CFAP96: variants seen among roughly 807,000 people sequenced by gnomAD.
The protein encoded by CFAP96 is cilia-and flagella-associated protein 96.
At chr4:185,437,081 C>T in the CFAP96 span, among the ~76,000 whole-genome samples, 1 of 152,008 alleles carries the variant, frequency 6.6e-6, no homozygotes, top group Non-Finnish European at 1.5e-5. Flanking sequence ...TTGGGCTGAT[C>T]AAGAAGCCAT....
At chr4:185,445,054 G>A in the CFAP96 span, 141 of 1,551,606 alleles carry the variant, frequency 9.1e-5, 1 homozygote, top group East Asian at 3.4e-3. Flanking sequence ...TTCTGGCAAA[G>A]ATGATAAGAT....
At chr4:185,448,629 T>C in the CFAP96 span, among the ~76,000 whole-genome samples, 7 of 152,190 alleles carry the variant, frequency 4.6e-5, no homozygotes, top group African/African-American at 1.7e-4. Context: ...GTTGGTAAAG[T>C]TGGTAAAGAT....
the CFAP96 span, among the ~76,000 whole-genome samples, chr4:185,412,131 T>C: frequency 6.6e-6 from 1 of 152,176 alleles, no homozygotes; most frequent in Non-Finnish European, 1.5e-5. Flanking sequence ...TGCTTTACAA[T>C]TTGCATATGT....
At chr4:185,422,249 G>A in the CFAP96 span, among the ~76,000 whole-genome samples, 1 of 152,176 alleles carries the variant, frequency 6.6e-6, no homozygotes, top group South Asian at 2.1e-4. Flanking sequence ...AATGAAGAGG[G>A]GAGTAAAGTC....
the CFAP96 span, among the ~76,000 whole-genome samples, chr4:185,447,964 A>C: frequency 6.6e-6 from 1 of 152,148 alleles, no homozygotes; most frequent in Non-Finnish European, 1.5e-5. Flanking sequence ...CAAGCCTACT[A>C]TGTCTTGCTG....
chr4:185,413,212 AC>A, the CFAP96 span, among the ~76,000 whole-genome samples: 1 of 151,816 alleles, frequency 6.6e-6, no homozygotes, highest in African/African-American at 2.4e-5. Context: ...ACATGGTGAA[AC>A]CCTGTCTCTA....
the CFAP96 span, among the ~76,000 whole-genome samples, chr4:185,446,060 C>T: frequency 1.3e-5 from 2 of 151,986 alleles, no homozygotes; most frequent in Non-Finnish European, 2.9e-5. Context: ...AGGCTGGTCT[C>T]GAACTCCCGA....
the CFAP96 span, chr4:185,416,033 CTG>C: frequency 2.0e-6 from 1 of 490,788 alleles, no homozygotes; most frequent in Non-Finnish European, 3.5e-6. Context: ...GGAGTTCAAT[CTG>C]TAACTGGCTG....
the CFAP96 span, among the ~76,000 whole-genome samples, chr4:185,446,908 G>T: frequency 1.3e-5 from 2 of 152,052 alleles, no homozygotes; most frequent in Non-Finnish European, 2.9e-5. Flanking sequence ...CTGCTTTCCT[G>T]TTGTCTTTCT....
the CFAP96 span, among the ~76,000 whole-genome samples, chr4:185,448,896 G>A: frequency 2.0e-5 from 3 of 152,146 alleles, no homozygotes; most frequent in Non-Finnish European, 4.4e-5. Flanking sequence ...AGAAGAATAA[G>A]TGATTATTCT....
chr4:185,415,696 A>G, the CFAP96 span: 4 of 1,602,662 alleles, frequency 2.5e-6, no homozygotes, highest in Non-Finnish European at 3.4e-6. Flanking sequence ...CAGTGGTACT[A>G]TAAAAATACT....
chr4:185,411,169 A>G, the CFAP96 span, among the ~76,000 whole-genome samples: 1 of 151,786 alleles, frequency 6.6e-6, no homozygotes, highest in South Asian at 2.1e-4. Flanking sequence ...TGAAGAATGA[A>G]AAAGAAAATA....
chr4:185,446,739 G>A, the CFAP96 span, among the ~76,000 whole-genome samples: 1 of 152,074 alleles, frequency 6.6e-6, no homozygotes, highest in Non-Finnish European at 1.5e-5. Context: ...TTTTTGTGAT[G>A]TACATGATTT....
At chr4:185,439,340 G>A in the CFAP96 span, among the ~76,000 whole-genome samples, 2 of 152,140 alleles carry the variant, frequency 1.3e-5, no homozygotes, top group East Asian at 1.9e-4. Flanking sequence ...ATGAATGAAT[G>A]TCCTACAAGC....
chr4:185,449,545 G>T, the CFAP96 span: 1 of 1,147,842 alleles, frequency 8.7e-7, no homozygotes, highest in Non-Finnish European at 1.2e-6. Context: ...GAATGTACAG[G>T]TATTTGACTT....
chr4:185,427,797 T>C, the CFAP96 span, among the ~76,000 whole-genome samples: 3 of 134,928 alleles, frequency 2.2e-5, no homozygotes, highest in African/African-American at 8.3e-5. Flanking sequence ...GGTAAAAGGT[T>C]CTTACCAGCC....
At chr4:185,425,174 C>T in the CFAP96 span, among the ~76,000 whole-genome samples, 1 of 152,054 alleles carries the variant, frequency 6.6e-6, no homozygotes, top group East Asian at 1.9e-4. Context: ...AGGGAGATGT[C>T]AAGGATGATT....
the CFAP96 span, among the ~76,000 whole-genome samples, chr4:185,443,549 A>G: frequency 7.3e-5 from 11 of 150,588 alleles, no homozygotes; most frequent in Non-Finnish European, 1.2e-4. Flanking sequence ...GGGTTTCGCC[A>G]TGTTGCCCAG....
chr4:185,436,303 G>A, the CFAP96 span: 11 of 1,550,920 alleles, frequency 7.1e-6, no homozygotes, highest in South Asian at 7.1e-5. Flanking sequence ...TATTACCATA[G>A]GTAAACAGTT....
Sources: gnomAD v4.1 joint callset for allele counts (sites outside exome capture counted in the v4.1 genomes callset) on GRCh38, gnomAD v4.1.1 for gene constraint, MANE v1.5 for transcripts, NCBI Gene and HGNC (gene_info 2026-07-23, HGNC 2026-07-21) for gene names.